The following CSMD1 variants were observed in gnomAD, a reference collection of about 807,000 sequenced individuals.
The protein encoded by CSMD1 is CUB and Sushi multiple domains 1, also known as CUB and sushi domain-containing protein 1.
CSMD1 carries 213 observed loss-of-function variants against 417.5 expected under a neutral mutation model. The observed-to-expected ratio is 0.51, with a 90% confidence interval of 0.46 to 0.57. The LOEUF (loss-of-function observed/expected upper bound fraction) is 0.57, where lower values mean the gene tolerates loss of function less well. Ranked by LOEUF, CSMD1 falls within the 20% of genes least tolerant of loss-of-function variation. The probability of loss-of-function intolerance (pLI) is 0.00; values close to 1 mark genes in which losing one functional copy is unlikely to be tolerated. For missense variants in CSMD1, 6,923 were observed against 4,529.7 expected (o/e 1.53, Z -15.17); for synonymous variants, 2,862 against 1,736.8 (o/e 1.65, Z -16.11).
intron 1 of CSMD1, among the ~76,000 whole-genome samples, chr8:4,692,375 G>A (rs1563153142): frequency 1.3e-5 from 2 of 152,180 alleles, no homozygotes; most frequent in South Asian, 4.1e-4. Context: ...ACAAAAAACT[G>A]AGGTTCTGCT....
chr8:3,384,840 T>A (rs1171888665), intron 18 of CSMD1, among the ~76,000 whole-genome samples: 2 of 122,872 alleles, frequency 1.6e-5, no homozygotes, highest in African/African-American at 3.2e-5. Flanking sequence ...ATAGTATACA[T>A]ATTTATATAT....
rs114182265 is a variant in CSMD1, at chr8:4,863,544, C to A, written c.85+130788G>T. 1.6e-4 allele frequency among the ~76,000 whole-genome samples: 24 copies of A among 151,918 alleles called. 1 individual carries two copies. Among genetic ancestry groups the A allele is most frequent in the African/African-American group, 5.8e-4 (24 of 41,364 alleles). On this transcript the variant is annotated intron_variant, in intron 1 of 69. Transcript: ENST00000635120. ...AGGGTAACTCATTCCTATTGGTATC[C>A]CATATTCTCATTCCTGCATTTTTTT...
intron 3 of CSMD1, among the ~76,000 whole-genome samples, chr8:4,054,918 T>A (rs1360548945): frequency 6.6e-6 from 1 of 152,146 alleles, no homozygotes; most frequent in African/African-American, 2.4e-5. Flanking sequence ...GCTCTGGGGT[T>A]TCTCTTTTAA....
At position 4,920,881 on chromosome 8, in the gene CSMD1, G is replaced by C. The variant is rs1314414153; in HGVS notation, c.85+73451C>G. On this transcript the variant is annotated intron_variant, in intron 1 of 69. Transcript: ENST00000635120. ...GAAAAGAAAAGAAAAGAAAAGAAAAGAAAAGAAAAGAAAAGAAAAGAAAAG... is the reference window on the plus strand; with the variant it reads ...GAAAAGAAAAGAAAAGAAAAGAAAACAAAAGAAAAGAAAAGAAAAGAAAAG... 2.0e-4 allele frequency among the ~76,000 whole-genome samples: 7 copies of C among 35,152 alleles called. 2 individuals are homozygous for C. The allele number at this position is 35,152 out of a possible 152,430, so 23.1% of individuals were successfully genotyped here. A position where few individuals can be genotyped will look rare whatever the true frequency, so the allele number is the denominator to read the frequency against.
At chr8:4,787,779 T>C in intron 1 of CSMD1, 3 of 1,575,458 alleles carry the variant, frequency 1.9e-6, no homozygotes, top group Non-Finnish European at 1.7e-6. Context: ...CTGGACTTGT[T>C]ACAGGCCAGA....
chr8:4,766,578 A>G (rs1322183724), intron 1 of CSMD1, among the ~76,000 whole-genome samples: 1 of 152,208 alleles, frequency 6.6e-6, no homozygotes, highest in Non-Finnish European at 1.5e-5. Flanking sequence ...ATCTTGCCCA[A>G]CATGCAGCAG....
intron 3 of CSMD1, among the ~76,000 whole-genome samples, chr8:4,238,401 A>C (rs1802193749): frequency 6.6e-6 from 1 of 152,176 alleles, no homozygotes; most frequent in Non-Finnish European, 1.5e-5. Flanking sequence ...CGCCCTGAGC[A>C]CACATGGTAT....
intron 7 of CSMD1, among the ~76,000 whole-genome samples, chr8:3,680,220 A>G (rs895834080): frequency 6.6e-6 from 1 of 152,164 alleles, no homozygotes; most frequent in Non-Finnish European, 1.5e-5. Flanking sequence ...ATACAAAAAA[A>G]CCCTTCAAAA....
intron 50 of CSMD1, among the ~76,000 whole-genome samples, chr8:3,045,311 T>C (rs906502472): frequency 6.6e-6 from 1 of 152,220 alleles, no homozygotes; most frequent in Non-Finnish European, 1.5e-5. Context: ...AATAACTTCT[T>C]TACAATGAGA....
At chr8:3,778,997 C>G (rs750791880) in intron 5 of CSMD1, among the ~76,000 whole-genome samples, 26 of 152,274 alleles carry the variant, frequency 1.7e-4, no homozygotes, top group Non-Finnish European at 2.5e-4. Context: ...TTTTTCTAGG[C>G]TCAGATCAGC....
At position 3,586,066 on chromosome 8, in the gene CSMD1, T is replaced by C. The variant is rs540611898; in HGVS notation, c.1222+70A>G. On this transcript the variant is annotated intron_variant, in intron 9 of 69. Transcript: ENST00000635120. The stretch of plus-strand genomic sequence containing the variant: ...CATACACAATGCTTCATGCTTAAAT[T>C]GTATATTCATAAAAATGCCAACCTT... 1.6e-5 allele frequency: 24 copies of C among 1,501,394 alleles called. No homozygotes were observed. The East Asian group carries it at 5.6e-4, about 35-fold the overall frequency. The allele number at this position is 1,501,394 out of a possible 1,614,324, so 93.0% of individuals were successfully genotyped here.
intron 2 of CSMD1, among the ~76,000 whole-genome samples, chr8:4,475,448 G>C (rs1450551026): frequency 6.6e-6 from 1 of 152,018 alleles, no homozygotes; most frequent in Non-Finnish European, 1.5e-5. Flanking sequence ...GGCATCATAT[G>C]GAAGGCAACC....
chr8:4,429,951 G>A (rs533342658), intron 2 of CSMD1, among the ~76,000 whole-genome samples: 2 of 152,252 alleles, frequency 1.3e-5, no homozygotes, highest in South Asian at 4.1e-4. Context: ...AAAAAGACAA[G>A]AGGCAAAGGG....
chr8:4,006,066 G>T (rs1294266977), intron 4 of CSMD1, among the ~76,000 whole-genome samples: 1 of 152,208 alleles, frequency 6.6e-6, no homozygotes, highest in African/African-American at 2.4e-5. Flanking sequence ...GAATGAGCTG[G>T]AGGAAGAGCA....
At chr8:3,978,220 A>G (rs1468135735) in intron 5 of CSMD1, among the ~76,000 whole-genome samples, 1 of 152,178 alleles carries the variant, frequency 6.6e-6, no homozygotes, top group Non-Finnish European at 1.5e-5. Flanking sequence ...GCTGTGTGCT[A>G]GGATTCCCAG....
intron 10 of CSMD1, among the ~76,000 whole-genome samples, chr8:3,569,014 A>T (rs1455756062): frequency 6.6e-6 from 1 of 152,156 alleles, no homozygotes; most frequent in Admixed American, 6.5e-5. Flanking sequence ...AAGAGTTCTG[A>T]AAATAGCTGG....
At chr8:4,882,721 C>A (rs534744429) in intron 1 of CSMD1, among the ~76,000 whole-genome samples, 1 of 151,928 alleles carries the variant, frequency 6.6e-6, no homozygotes, top group South Asian at 2.1e-4. Context: ...GACTAAAACA[C>A]CTTTATAATA....
chr8:3,528,091 AG>A (rs987294080), intron 10 of CSMD1, among the ~76,000 whole-genome samples: 2 of 152,178 alleles, frequency 1.3e-5, no homozygotes, highest in Non-Finnish European at 2.9e-5. Flanking sequence ...CCACTGATAC[AG>A]GGGGAAATGA....
intron 49 of CSMD1, among the ~76,000 whole-genome samples, chr8:3,055,625 T>C (rs965512744): frequency 5.9e-5 from 9 of 152,238 alleles, no homozygotes; most frequent in Non-Finnish European, 7.3e-5. Context: ...GCATTGGCAA[T>C]GTAAGAAACT....
Sources: gnomAD v4.1 joint callset for allele counts (sites outside exome capture counted in the v4.1 genomes callset) on GRCh38, gnomAD v4.1.1 for gene constraint, MANE v1.5 for transcripts, NCBI Gene and HGNC (gene_info 2026-07-23, HGNC 2026-07-21) for gene names.